IDH1: variants seen among roughly 807,000 people sequenced by gnomAD.
IDH1 encodes the protein isocitrate dehydrogenase [NADP] cytoplasmic.
In IDH1, 33 loss-of-function variants were observed where a neutral mutation model predicts 46.1. The observed-to-expected ratio is 0.72, with a 90% confidence interval of 0.54 to 0.96. IDH1 has a LOEUF of 0.96. Ranked by LOEUF, IDH1 falls within the 40% of genes least tolerant of loss-of-function variation. The pLI, the probability that IDH1 is intolerant of heterozygous loss-of-function variation, is 0.00. For missense variants in IDH1, 421 were observed against 515.7 expected (o/e 0.82, Z 1.78); for synonymous variants, 144 against 172.8 (o/e 0.83, Z 1.31).
In IDH1 at chr2:208,237,058, C is replaced by G. The variant is rs1379047285; in HGVS notation, c.*21G>C. ...ACCTAGTTACCAAAAGACAATTATC[C>G]TTCTTAGCTCAGGTATGAACTTAAA... is the stretch of plus-strand genomic sequence containing the variant. On this transcript the variant is annotated 3_prime_UTR_variant, in exon 10 of 10. Transcript: ENST00000345146. 2.2e-6 allele frequency: 3 copies of G among 1,376,730 alleles called. No homozygotes were observed. The African/African-American group carries it at 4.3e-5, about 20-fold the overall frequency. 85.3% of individuals were successfully genotyped at this position (1,376,730 alleles called of 1,614,324 possible).
chr2:208,253,166 G>T (rs772629430), intron 2 of IDH1, among the ~76,000 whole-genome samples: 1 of 152,146 alleles, frequency 6.6e-6, no homozygotes, highest in Non-Finnish European at 1.5e-5. Context: ...GTCAAATATT[G>T]TACCTAAAAT....
intron 5 of IDH1, among the ~76,000 whole-genome samples, 165 bp downstream of exon 5, chr2:208,245,154 A>AT (rs1201606804): frequency 2.0e-5 from 3 of 152,224 alleles, no homozygotes; most frequent in Non-Finnish European, 4.4e-5. Context: ...ACAGGAAGGT[A>AT]TGGAAGCAAA....
intron 3 of IDH1, 154 bp downstream of exon 3, chr2:208,251,276 G>T: frequency 1.7e-6 from 1 of 594,050 alleles, no homozygotes; most frequent in South Asian, 2.3e-5. Context: ...AAGTGATGGG[G>T]TCTCACTCTG....
rs2124857471 is a variant in IDH1, at chr2:208,245,380, C to T, written c.459G>A (p.Glu153=). Residue 153 remains glutamate (E), a synonymous_variant, in exon 5 of 10, where the codon GAG becomes GAA. Transcript: ENST00000345146. ...DFVVPGPGKV[E]ITYTPSDGTQ... ...TTCCGTCACTTGGTGTGTAGGTTAT[C>T]TCTACTTTTCCAGGCCCAGGAACAA... is the stretch of plus-strand genomic sequence containing the variant. 6.2e-7 allele frequency: 1 copy of T among 1,612,456 alleles called. No individual in the cohort carries two copies. Among genetic ancestry groups the T allele is most frequent in the African/African-American group, 1.3e-5 (1 of 74,786 alleles).
chr2:208,243,462 C>T lies in IDH1; in HGVS notation c.663G>A (p.Gly221=), dbSNP rs1376728272. 1 of 1,613,730 alleles carries T rather than the reference C, an allele frequency of 6.2e-7. No homozygotes were observed. Among genetic ancestry groups the T allele is most frequent in the Non-Finnish European group, 8.5e-7 (1 of 1,179,848 alleles). Residue 221 remains glycine (G), a synonymous_variant, in exon 6 of 10, where the codon GGG becomes GGA. Transcript: ENST00000345146. ...TCTCCTGAAAGATGTCTTTAAAACG[C>T]CCATCATATTTCTTCAGAATAGTGT... ...TKNTILKKYD[G]RFKDIFQEIY... is the part of the protein sequence containing the mutation.
chr2:208,254,403 G>T (rs550282579), intron 1 of IDH1: 1 of 143,758 alleles, frequency 7.0e-6, no homozygotes, highest in Admixed American at 7.0e-5. Flanking sequence ...CTCTCGCCCC[G>T]TGTGGCCTAG....
At chr2:208,237,616 T>C (rs1240772178) in intron 9 of IDH1, among the ~76,000 whole-genome samples, 1 of 152,104 alleles carries the variant, frequency 6.6e-6, no homozygotes, top group Non-Finnish European at 1.5e-5. Flanking sequence ...TTTCTATCAG[T>C]GTCTTAAGAA....
At chr2:208,240,087 A>C (rs1424649720) in intron 7 of IDH1, 84 bp from the exon 8 acceptor site, 40 of 1,430,054 alleles carry the variant, frequency 2.8e-5, no homozygotes, top group Non-Finnish European at 3.9e-5. Flanking sequence ...AAATGACTCA[A>C]TCTTGATAGG....
intron 4 of IDH1, 131 bp downstream of exon 4, chr2:208,248,238 A>G: frequency 1.3e-6 from 1 of 750,666 alleles, no homozygotes; most frequent in Admixed American, 2.3e-5. Context: ...ACATATATGC[A>G]TTTCTCAATT....
intron 4 of IDH1, among the ~76,000 whole-genome samples, chr2:208,246,373 A>G (rs1688022577): frequency 6.6e-6 from 1 of 152,202 alleles, no homozygotes; most frequent in Non-Finnish European, 1.5e-5. Context: ...CAACTGGTAA[A>G]AGAGCAGTAA....
At chr2:208,240,227 A>T in intron 7 of IDH1, 1 of 574,770 alleles carries the variant, frequency 1.7e-6, no homozygotes, top group Non-Finnish European at 3.2e-6. Flanking sequence ...CACTTATTTC[A>T]GGGATACCTA....
chr2:208,248,107 C>A (rs1364305589), intron 4 of IDH1: 13 of 516,510 alleles, frequency 2.5e-5, no homozygotes, highest in Non-Finnish European at 4.5e-5. Flanking sequence ...TATGGTATAA[C>A]TGAATAAAAG....
chr2:208,254,529 C>CT (rs1688180238), intron 1 of IDH1: 1 of 152,402 alleles, frequency 6.6e-6, no homozygotes, highest in South Asian at 2.1e-4. Flanking sequence ...CCGTCTGCGG[C>CT]TTACAGCCTT....
intron 2 of IDH1, 119 bp downstream of exon 2, chr2:208,253,767 T>G (rs926815150): frequency 6.6e-6 from 1 of 152,234 alleles, no homozygotes; most frequent in Non-Finnish European, 1.5e-5. Flanking sequence ...AATTCGTTGT[T>G]GGAAATATTC....
At chr2:208,238,066 C>T (rs1249937292) in intron 9 of IDH1, among the ~76,000 whole-genome samples, 2 of 145,696 alleles carry the variant, frequency 1.4e-5, no homozygotes, top group Non-Finnish European at 3.0e-5. Context: ...GATGGAGTCT[C>T]GCTCTGTCAC....
intron 4 of IDH1, chr2:208,248,126 A>G (rs1688056217): frequency 3.6e-6 from 2 of 558,402 alleles, no homozygotes; most frequent in Admixed American, 6.3e-5. Context: ...AGGATAAAGG[A>G]AAAAAAACAG....
chr2:208,251,971 G>C (rs569682700), intron 2 of IDH1, among the ~76,000 whole-genome samples: 1 of 152,244 alleles, frequency 6.6e-6, no homozygotes, highest in East Asian at 1.9e-4. Context: ...TAAGAAATGA[G>C]ATTATTTCCA....
chr2:208,251,660 A>T, intron 2 of IDH1, 93 bp from the exon 3 acceptor site: 1 of 989,556 alleles, frequency 1.0e-6, no homozygotes. Flanking sequence ...CAACGTAGTG[A>T]CTACTAAAAG....
intron 6 of IDH1, among the ~76,000 whole-genome samples, chr2:208,243,136 A>G (rs190090964): frequency 6.6e-5 from 10 of 152,218 alleles, no homozygotes; most frequent in African/African-American, 2.4e-4. Flanking sequence ...CTCACACATG[A>G]AAAATTAGAA....
Sources: allele counts gnomAD v4.1 joint callset (sites outside exome capture counted in the v4.1 genomes callset), GRCh38; gene constraint gnomAD v4.1.1; transcripts MANE v1.5; gene names NCBI Gene and HGNC (gene_info 2026-07-23, HGNC 2026-07-21).